The following FADS1 variants were observed in gnomAD, a reference collection of about 807,000 sequenced individuals.
FADS1 encodes the protein acyl-CoA (8-3)-desaturase.
FADS1 carries 17 observed loss-of-function variants against 61.6 expected under a neutral mutation model. The observed-to-expected ratio is 0.28, with a 90% CI of 0.19 to 0.41. The LOEUF (loss-of-function observed/expected upper bound fraction) is 0.41. Among genes scored for constraint, FADS1 ranks in the 10% least tolerant of loss-of-function variants. The probability of loss-of-function intolerance (pLI) is 1.00; values close to 1 mark genes in which losing one functional copy is unlikely to be tolerated. For synonymous variants in FADS1, 238 were observed against 258.7 expected (o/e 0.92, Z 0.77); for missense variants, 387 against 650.9 (o/e 0.59, Z 4.41).
intron 6 of FADS1, chr11:61,805,034 G>A (rs2066883747): frequency 1.9e-6 from 1 of 538,274 alleles, no homozygotes. Context: ...CAGGTGCTTG[G>A]GAACTCAGGC....
intron 5 of FADS1, among the ~76,000 whole-genome samples, chr11:61,807,131 G>A (rs1006308665): frequency 3.3e-5 from 5 of 152,146 alleles, no homozygotes; most frequent in African/African-American, 7.2e-5. Flanking sequence ...GCAATGGCAC[G>A]ATCTTGGCTT....
At chr11:61,805,428 A>G (rs2066886350) in intron 6 of FADS1, 1 of 152,138 alleles carries the variant, frequency 6.6e-6, no homozygotes, top group Non-Finnish European at 1.5e-5. Context: ...TGCATTCTAC[A>G]TGCTTCCTCA....
Position 61,803,335 on chromosome 11 carries a change from T to G in FADS1, c.1248+28A>C. On this transcript the variant is annotated intron_variant, in intron 9 of 11. Coordinates refer to ENST00000350997, the MANE Select transcript of FADS1 (RefSeq NM_013402.7). This position sits in a 1 kb window ranked among gnomAD's most constrained non-coding sequence, Gnocchi z 4.3. The stretch of plus-strand genomic sequence containing the variant: ...ATCCTTTTCAATAGTTGTGTTATGC[T>G]CCAGTCTTCTGAGTGACTGTCCCTT... The G allele has an allele frequency of 6.4e-7, 1 of 1,559,006 alleles. No homozygotes were observed. Among genetic ancestry groups the G allele is most frequent in the Non-Finnish European group, 8.9e-7 (1 of 1,129,710 alleles).
rs1368606860 is a variant in FADS1, at chr11:61,799,673, A to G, written c.*2738T>C. On this transcript the variant is annotated 3_prime_UTR_variant, in exon 12 of 12. Transcript: ENST00000350997. ...TTTTTCAACTTCATAGGGATGTGATAACAAAATTGGCACACACAAAAAGAA... is the reference window on the plus strand; with the variant it reads ...TTTTTCAACTTCATAGGGATGTGATGACAAAATTGGCACACACAAAAAGAA... The G allele has an allele frequency of 6.6e-6, 1 of 152,370 alleles. No homozygotes were observed. The highest frequency in any genetic ancestry group is 2.4e-5 in the African/African-American group (1 of 41,472). The allele number at this position is 152,370 out of a possible 1,614,324, so 9.4% of individuals were successfully genotyped here.
At chr11:61,804,985 C>T (rs990310869) in intron 6 of FADS1, 2 of 576,662 alleles carry the variant, frequency 3.5e-6, no homozygotes, top group African/African-American at 3.7e-5. Context: ...CAAGAGGATG[C>T]CAGGGAAGGT....
At position 61,802,723 on chromosome 11, in the gene FADS1, C is replaced by G. The variant is rs2066865001; in HGVS notation, c.1454+78G>C. ...ACTGGGAACACCTTCTGTTCACTCC[C>G]CACCCTACATGTCATCATTTCCATT... On this transcript the variant is annotated intron_variant, in intron 11 of 11. Coordinates refer to ENST00000350997, the MANE Select transcript of FADS1 (RefSeq NM_013402.7). This position sits in a 1 kb window ranked among gnomAD's most constrained non-coding sequence, Gnocchi z 4.2. The G allele has an allele frequency of 1.3e-6, 2 of 1,590,198 alleles. 1 individual carries two copies. Among genetic ancestry groups the G allele is most frequent in the East Asian group, 4.5e-5 (2 of 44,780 alleles).
intron 2 of FADS1, among the ~76,000 whole-genome samples, chr11:61,812,950 AAG>A (rs767022120): frequency 3.3e-5 from 5 of 152,324 alleles, no homozygotes; most frequent in Non-Finnish European, 5.9e-5. Flanking sequence ...GTAAATGTGT[AAG>A]AGTTATGAGT....
intron 1 of FADS1, chr11:61,814,972 TG>T (rs1255666083): frequency 1.3e-5 from 2 of 153,664 alleles, no homozygotes. Flanking sequence ...ACGTCCGAAC[TG>T]GGGCACTTCT....
intron 5 of FADS1, among the ~76,000 whole-genome samples, chr11:61,808,497 G>T (rs558228846): frequency 6.6e-6 from 1 of 152,140 alleles, no homozygotes; most frequent in Admixed American, 6.5e-5. Context: ...TGACATCCAC[G>T]TCAGTGCCTC....
chr11:61,806,845 G>C, intron 5 of FADS1, 121 bp from the exon 6 acceptor site: 1 of 879,806 alleles, frequency 1.1e-6, no homozygotes, highest in Non-Finnish European at 1.9e-6. Flanking sequence ...TGGTGCTATT[G>C]GAAAGCTCCA....
At position 61,802,844 on chromosome 11, in the gene FADS1, A is replaced by G; in HGVS notation, c.1411T>C (p.Tyr471His). ...QSLCAKHGIE[Y>H]QSKPLLSAFA... ...GCTGACAGCAGGGGCTTGGACTGGT[A>G]CTCTATGCCATGCTTGGCACACAAG... The change falls in exon 11 of 12, where the codon TAC (tyrosine) becomes CAC (histidine). Residue 471 changes from tyrosine to histidine, a missense_variant. Physicochemically the swap from Tyr to His is moderately conservative, Grantham distance 83 (BLOSUM62 2). Coordinates refer to ENST00000350997, the MANE Select transcript of FADS1 (RefSeq NM_013402.7). This position sits in a 1 kb window ranked among gnomAD's most constrained non-coding sequence, Gnocchi z 4.2. 6.2e-7 allele frequency: 1 copy of G among 1,614,044 alleles called. No individual in the cohort carries two copies. The highest frequency in any genetic ancestry group is 8.5e-7 in the Non-Finnish European group (1 of 1,180,004).
In FADS1 at chr11:61,806,514, G is replaced by T. The variant is rs146063874; in HGVS notation, c.976+150C>A. On this transcript the variant is annotated intron_variant, in intron 6 of 11. Transcript: ENST00000350997. ...CGCTCAGCTGAGATGGCAAACTGCT[G>T]TCATGCAGGGAGTAACTGGGGGTGG... 1,713 of 699,784 alleles carry T rather than the reference G, an allele frequency of 2.4e-3. 5 individuals carry two copies. The highest frequency in any genetic ancestry group is 7.1e-3 in the Middle Eastern group (19 of 2,680). The allele number at this position is 699,784 out of a possible 1,614,324, so 43.3% of individuals were successfully genotyped here.
chr11:61,812,588 G>A lies in FADS1; in HGVS notation c.567C>T (p.Phe189=). The change falls in exon 3 of 12, where the codon TTC becomes TTT. Residue 189 remains phenylalanine, a synonymous_variant. Coordinates refer to ENST00000350997, the MANE Select transcript of FADS1 (RefSeq NM_013402.7). The part of the protein sequence containing the change: ...MGLMKANHVF[F]LLYLLHILLL... ...GCAAGATGTGCAGCAGGTACAGCAG[G>A]AAGAAGACATGGTTGGCCTTCATGA... 2 of 1,614,150 alleles carry A rather than the reference G, an allele frequency of 1.2e-6. No individual in the cohort carries two copies. Among genetic ancestry groups the A allele is most frequent in the Non-Finnish European group, 1.7e-6 (2 of 1,180,012 alleles).
Position 61,805,052 on chromosome 11 carries a change from A to G in FADS1, c.977-291T>C, listed in dbSNP as rs575404213. 1.3e-5 allele frequency: 7 copies of G among 537,080 alleles called. No individual in the cohort carries two copies. The Admixed American group carries it at 1.3e-4, about 10-fold the overall frequency. The allele number at this position is 537,080 out of a possible 1,614,324, so 33.3% of individuals were successfully genotyped here. A position where few individuals can be genotyped will look rare whatever the true frequency, so the allele number is the denominator to read the frequency against. ...GTGCTTGGGAACTCAGGCCCCACGC[A>G]TGGGACTTGCTCTGCTCCCACACCT... On this transcript the variant is annotated intron_variant, in intron 6 of 11. Coordinates refer to ENST00000350997, the MANE Select transcript of FADS1 (RefSeq NM_013402.7).
In FADS1 at chr11:61,802,621, A is replaced by G. The variant is rs533598964; in HGVS notation, c.1455-159T>C. ...GGCCATGGTACTGAGGGGAACCCCA[A>G]TGAGGGCAAAGGCCTGACCTGGCCA... On this transcript the variant is annotated intron_variant, in intron 11 of 11. Transcript: ENST00000350997. This position sits in a 1 kb window ranked among gnomAD's most constrained non-coding sequence, Gnocchi z 4.2. Among the ~76,000 whole-genome samples, 25 of 152,340 alleles carry G rather than the reference A, an allele frequency of 1.6e-4. No homozygotes were observed. Among genetic ancestry groups the G allele is most frequent in the Admixed American group, 7.2e-4 (11 of 15,304 alleles).
At chr11:61,808,438 G>A (rs546720042) in intron 5 of FADS1, among the ~76,000 whole-genome samples, 2 of 152,288 alleles carry the variant, frequency 1.3e-5, no homozygotes. Context: ...TGGGCAATAG[G>A]CTGCTTGGTT....
At chr11:61,812,735 C>T (rs1262742534) in intron 2 of FADS1, 67 bp from the exon 3 acceptor site, 2 of 1,454,952 alleles carry the variant, frequency 1.4e-6, no homozygotes, top group Non-Finnish European at 9.5e-7. Flanking sequence ...AGACAAGGGC[C>T]CTCTCAGGCT....
rs2066975449 is a variant in FADS1 at position 61,815,736 on chromosome 11, C to T, written c.375+819G>A. On this transcript the variant is annotated intron_variant, in intron 1 of 11. Transcript: ENST00000350997. The surrounding 1 kb of genome is among the most constrained non-coding windows in gnomAD (Gnocchi z 6.4). ...GCCTGGGGCTGGGGCGCGCGCCGAC[C>T]CCGCAGTGAGACCAAGGGAAGAAGG... 1 of 158,110 alleles carries T rather than the reference C, an allele frequency of 6.3e-6. No individual in the cohort carries two copies. Among genetic ancestry groups the T allele is most frequent in the South Asian group, 1.8e-4 (1 of 5,578 alleles). The allele number at this position is 158,110 out of a possible 1,614,324, so 9.8% of individuals were successfully genotyped here.
In FADS1 at chr11:61,802,490, T is replaced by G; in HGVS notation, c.1455-28A>C. The G allele has an allele frequency of 6.4e-7, 1 of 1,554,762 alleles. No individual in the cohort carries two copies. The stretch of plus-strand genomic sequence containing the variant: ...GCAGGGACAAAATGGGGGCAGACAG[T>G]GAGGGAGACAAGCAGAGTTGAACCC... On this transcript the variant is annotated intron_variant, in intron 11 of 11. Coordinates refer to ENST00000350997, the MANE Select transcript of FADS1 (RefSeq NM_013402.7). The surrounding 1 kb of genome is among the most constrained non-coding windows in gnomAD (Gnocchi z 4.2).
Sources: allele counts gnomAD v4.1 joint callset (sites outside exome capture counted in the v4.1 genomes callset), GRCh38; gene constraint gnomAD v4.1.1; non-coding constraint Gnocchi (gnomAD v3.1); transcripts MANE v1.5; gene names NCBI Gene and HGNC (gene_info 2026-07-23, HGNC 2026-07-21).